Variants in GULP1 observed in about 807,000 individuals in gnomAD.
The protein encoded by GULP1 is GULP PTB domain containing engulfment adaptor 1, also known as PTB domain-containing engulfment adapter protein 1.
In GULP1, 19 loss-of-function variants were observed where a neutral mutation model predicts 40.9. The ratio of observed to expected loss-of-function variants is 0.46; its 90% CI spans 0.32 to 0.68. GULP1 has a LOEUF of 0.68. Ranked by LOEUF, GULP1 falls within the 30% of genes least tolerant of loss-of-function variation. The pLI, the probability that GULP1 is intolerant of heterozygous loss-of-function variation, is 0.03. For synonymous variants in GULP1, 119 were observed against 117.6 expected, an observed-to-expected ratio of 1.01 and a Z score of -0.08; for missense variants, 312 against 362.2, an observed-to-expected ratio of 0.86 and a Z score of 1.12.
chr2:188,464,856 A>G (rs2059987610), intron 2 of GULP1, among the ~76,000 whole-genome samples: 1 of 152,088 alleles, frequency 6.6e-6, no homozygotes, highest in African/African-American at 2.4e-5. Context: ...TGGCTATTTA[A>G]TCAGCTTCTA....
At chr2:188,435,960 T>TGTTAATGCTTA (rs2057367761) in intron 2 of GULP1, among the ~76,000 whole-genome samples, 2 of 152,142 alleles carry the variant, frequency 1.3e-5, no homozygotes, top group Admixed American at 1.3e-4. Flanking sequence ...AAGCCAGGTC[T>TGTTAATGCTTA]ACGCATGTTA....
intron 7 of GULP1, among the ~76,000 whole-genome samples, chr2:188,542,298 TG>T (rs1690726181): frequency 6.6e-6 from 1 of 152,184 alleles, no homozygotes. Context: ...ACAATTCATC[TG>T]TTTGCTAATT....
At chr2:188,415,494 C>T (rs1312833340) in intron 2 of GULP1, among the ~76,000 whole-genome samples, 6 of 150,738 alleles carry the variant, frequency 4.0e-5, no homozygotes, top group Admixed American at 6.6e-5. Context: ...ACTTACTCTG[C>T]GCCTTAGAAA....
intron 6 of GULP1, among the ~76,000 whole-genome samples, chr2:188,536,266 A>G (rs1244543815): frequency 6.6e-6 from 1 of 152,068 alleles, no homozygotes; most frequent in Non-Finnish European, 1.5e-5. Flanking sequence ...ATTCTTTACC[A>G]AAGCTGATGT....
At chr2:188,390,789 T>C (rs965912614) in intron 2 of GULP1, among the ~76,000 whole-genome samples, 1 of 151,984 alleles carries the variant, frequency 6.6e-6, no homozygotes, top group Non-Finnish European at 1.5e-5. Flanking sequence ...GTTGTTTTTT[T>C]AAAATAAGAT....
rs115183859 is a variant in GULP1, at chr2:188,571,211, G to C, written c.609+1091G>C. On this transcript the variant is annotated intron_variant, in intron 9 of 11. Coordinates refer to ENST00000409830, the MANE Select transcript of GULP1 (RefSeq NM_016315.4). ...AAACATGAACTGAAAAAAGAAATTT[G>C]TTGCAAAATTTTTTATGGAAGCTTA... is the stretch of plus-strand genomic sequence containing the variant. 2.8e-3 allele frequency among the ~76,000 whole-genome samples: 424 copies of C among 152,118 alleles called. 3 individuals carry two copies. Among genetic ancestry groups the C allele is most frequent in the African/African-American group, 9.8e-3 (408 of 41,508 alleles).
intron 4 of GULP1, among the ~76,000 whole-genome samples, chr2:188,520,444 C>T (rs904291762): frequency 1.3e-5 from 2 of 150,620 alleles, no homozygotes; most frequent in Admixed American, 6.7e-5. Flanking sequence ...GCAGAAGAAT[C>T]GCTTGAACCA....
At chr2:188,430,967 C>T (rs2056806870) in intron 2 of GULP1, among the ~76,000 whole-genome samples, 2 of 152,114 alleles carry the variant, frequency 1.3e-5, no homozygotes. Flanking sequence ...TAAAGTATAC[C>T]CTTTTTAATA....
At chr2:188,439,179 AT>A (rs2057704750) in intron 2 of GULP1, among the ~76,000 whole-genome samples, 1 of 152,044 alleles carries the variant, frequency 6.6e-6, no homozygotes, top group Admixed American at 6.6e-5. Context: ...AGAAAAGTAA[AT>A]TCAGAGAAAG....
intron 11 of GULP1, chr2:188,589,975 T>C (rs1198489870): frequency 1.0e-5 from 1 of 96,180 alleles, no homozygotes; most frequent in African/African-American, 8.5e-5. Flanking sequence ...CTTTCTTTTC[T>C]TTTTTTTTTT....
chr2:188,444,892 T>C (rs10204554), intron 2 of GULP1, among the ~76,000 whole-genome samples: 6,054 of 152,274 alleles, frequency 0.04, 390 homozygotes, highest in African/African-American at 0.14. Flanking sequence ...CAAATGTATC[T>C]TTTTAGAATC....
chr2:188,517,686 T>C (rs2065320226), intron 4 of GULP1, among the ~76,000 whole-genome samples: 1 of 152,162 alleles, frequency 6.6e-6, no homozygotes, highest in Non-Finnish European at 1.5e-5. Flanking sequence ...CATGGAAACG[T>C]TAACTGTCAG....
At chr2:188,530,582 A>G (rs1486480010) in intron 6 of GULP1, among the ~76,000 whole-genome samples, 3 of 152,156 alleles carry the variant, frequency 2.0e-5, no homozygotes, top group Non-Finnish European at 4.4e-5. Context: ...AAAAAGAGGA[A>G]GAGACACCAG....
intron 1 of GULP1, among the ~76,000 whole-genome samples, chr2:188,340,586 C>A (rs757550000): frequency 6.6e-6 from 1 of 152,132 alleles, no homozygotes; most frequent in Non-Finnish European, 1.5e-5. Flanking sequence ...GCTTTGCTGT[C>A]GTGGATGACT....
intron 6 of GULP1, among the ~76,000 whole-genome samples, chr2:188,531,264 T>C (rs77692892): frequency 0.024 from 3,673 of 152,294 alleles, 95 homozygotes; most frequent in African/African-American, 0.05. Flanking sequence ...GTGCATGGTT[T>C]AGTGGCTTAA....
chr2:188,379,042 C>T (rs902126496), intron 1 of GULP1, among the ~76,000 whole-genome samples: 1 of 152,052 alleles, frequency 6.6e-6, no homozygotes, highest in Non-Finnish European at 1.5e-5. Flanking sequence ...AATAACCAAA[C>T]GTTTCAAGGA....
intron 4 of GULP1, among the ~76,000 whole-genome samples, chr2:188,505,821 G>C (rs2063849801): frequency 6.6e-6 from 1 of 151,820 alleles, no homozygotes; most frequent in Non-Finnish European, 1.5e-5. Flanking sequence ...GCTGTGCCTT[G>C]ACCTTCATAA....
intron 4 of GULP1, among the ~76,000 whole-genome samples, chr2:188,490,191 C>T (rs1376106934): frequency 2.0e-5 from 3 of 152,066 alleles, no homozygotes; most frequent in East Asian, 1.9e-4. Flanking sequence ...TATTCAAACT[C>T]GGTTATTTTC....
At chr2:188,514,491 T>C (rs1017954959) in intron 4 of GULP1, among the ~76,000 whole-genome samples, 4 of 151,390 alleles carry the variant, frequency 2.6e-5, no homozygotes, top group East Asian at 1.9e-4. Context: ...ACACTTTAAG[T>C]AAGAAAAAAA....
Sources: allele counts gnomAD v4.1 joint callset (sites outside exome capture counted in the v4.1 genomes callset), GRCh38; gene constraint gnomAD v4.1.1; transcripts MANE v1.5; gene names NCBI Gene and HGNC (gene_info 2026-07-23, HGNC 2026-07-21).